RARB: variants seen among roughly 807,000 people sequenced by gnomAD.
RARB encodes HBV-activated protein.
Under a neutral mutation model 51.9 loss-of-function variants are expected in RARB, and 17 were observed. The ratio of observed to expected loss-of-function variants is 0.33; its 90% CI spans 0.22 to 0.49. RARB has a LOEUF of 0.49. Among genes scored for constraint, RARB ranks in the 20% least tolerant of loss-of-function variants. RARB has a pLI of 0.99. For missense variants in RARB, 369 were observed against 550.8 expected, an observed-to-expected ratio of 0.67 and a Z score of 3.30; for synonymous variants, 215 against 195.4, an observed-to-expected ratio of 1.10 and a Z score of -0.84.
intron 5 of RARB, among the ~76,000 whole-genome samples, chr3:25,380,589 A>C (rs890607847): frequency 6.8e-6 from 1 of 147,592 alleles, no homozygotes; most frequent in Non-Finnish European, 1.5e-5. Context: ...TTTCTTGCTC[A>C]AGAAAAAAAA....
chr3:25,139,425 AGTGGT>A (rs1700077772), intron 4 of RARB, among the ~76,000 whole-genome samples: 1 of 152,206 alleles, frequency 6.6e-6, no homozygotes, highest in African/African-American at 2.4e-5. Flanking sequence ...AGAAAGTTTT[AGTGGT>A]GTGGATAGAA....
At chr3:25,439,597 C>T (rs190527023) in intron 1 of RARB, among the ~76,000 whole-genome samples, 16 of 152,048 alleles carry the variant, frequency 1.1e-4, no homozygotes, top group African/African-American at 3.9e-4. Flanking sequence ...AGGGTTTTAC[C>T]ATGTTGCCCA....
chr3:24,832,784 T>C (rs1433705479), intron 1 of RARB, among the ~76,000 whole-genome samples: 1 of 151,860 alleles, frequency 6.6e-6, no homozygotes, highest in Admixed American at 6.6e-5. Context: ...TTCAGCTCTT[T>C]TTCTTACTAG....
chr3:25,086,597 A>C (rs1037581407), intron 3 of RARB, among the ~76,000 whole-genome samples: 1 of 152,128 alleles, frequency 6.6e-6, no homozygotes, highest in African/African-American at 2.4e-5. Context: ...GTTGGGTTAC[A>C]GCTTGGTTTT....
chr3:25,578,217 A>C (rs1359342886), intron 4 of RARB, among the ~76,000 whole-genome samples: 1 of 152,262 alleles, frequency 6.6e-6, no homozygotes, highest in Non-Finnish European at 1.5e-5. Context: ...GGAAGATAAT[A>C]TATAAGCCAT....
intron 5 of RARB, among the ~76,000 whole-genome samples, chr3:25,278,564 C>A (rs1402929246): frequency 6.6e-6 from 1 of 152,102 alleles, no homozygotes; most frequent in Admixed American, 6.6e-5. Context: ...TTATTTGTGC[C>A]ACAGCTAAGA....
intron 3 of RARB, among the ~76,000 whole-genome samples, chr3:25,508,466 C>T (rs1449277375): frequency 6.6e-6 from 1 of 152,162 alleles, no homozygotes; most frequent in African/African-American, 2.4e-5. Context: ...TTTGCTTGTG[C>T]ACAAATTATA....
rs562866860 is a variant in RARB at position 25,346,514 on chromosome 3, T to G, written c.179-114679T>G. Among the ~76,000 whole-genome samples, 3 of 143,306 alleles carry G rather than the reference T, an allele frequency of 2.1e-5. No homozygotes were observed. The East Asian group carries it at 5.8e-4, about 28-fold the overall frequency. The allele number at this position is 143,306 out of a possible 152,430, so 94.0% of individuals were successfully genotyped here. A position where few individuals can be genotyped will look rare whatever the true frequency, so the allele number is the denominator to read the frequency against. On this transcript the variant is annotated intron_variant, in intron 5 of 11. Transcript: ENST00000383772. ...TTGCTTTTTATCTCTACTCCCTGTT[T>G]CCTGTATGTCTCAGATGAGCTCACC...
At chr3:24,840,629 AG>A (rs1702408425) in intron 1 of RARB, among the ~76,000 whole-genome samples, 1 of 152,054 alleles carries the variant, frequency 6.6e-6, no homozygotes, top group African/African-American at 2.4e-5. Context: ...TGGGCTTGAA[AG>A]GGTTGCCTGA....
At chr3:24,883,329 T>A (rs1159019091) in intron 2 of RARB, among the ~76,000 whole-genome samples, 1 of 151,026 alleles carries the variant, frequency 6.6e-6, no homozygotes, top group Non-Finnish European at 1.5e-5. Flanking sequence ...TACTTGGGCA[T>A]GTTTGAAGCC....
chr3:25,224,807 G>C (rs140696669), intron 5 of RARB, among the ~76,000 whole-genome samples: 1 of 152,040 alleles, frequency 6.6e-6, no homozygotes, highest in East Asian at 1.9e-4. Context: ...GTTTTGCCAT[G>C]TTGCCCAGGC....
chr3:25,569,750 G>T lies in RARB; in HGVS notation c.449-8G>T. ...CGACCCCTGATGTGCCTTCTCTCTC[G>T]TTTCCAGCTGTCAGGAATGACAGGA... On this transcript the variant is annotated splice_region_variant and splice_polypyrimidine_tract_variant and intron_variant, in intron 3 of 7. Coordinates refer to ENST00000330688, the MANE Select transcript of RARB (RefSeq NM_000965.5). The T allele has an allele frequency of 6.2e-7, 1 of 1,612,310 alleles. No homozygotes were observed. The highest frequency in any genetic ancestry group is 8.5e-7 in the Non-Finnish European group (1 of 1,179,204).
Position 25,394,614 on chromosome 3 carries a change from T to G in RARB, c.179-66579T>G, listed in dbSNP as rs114749251. ...GAGGCATATATATTTAGGATTGTGA[T>G]ATTTTCCTATGGAAGTAATCTTTTT... On this transcript the variant is annotated intron_variant, in intron 5 of 11. Transcript: ENST00000383772. Among the ~76,000 whole-genome samples the G allele has an allele frequency of 4.2e-3, 637 of 152,292 alleles. 5 individuals are homozygous for G. The highest frequency in any genetic ancestry group is 0.015 in the African/African-American group (622 of 41,578).
intron 2 of RARB, among the ~76,000 whole-genome samples, chr3:24,891,691 G>C (rs1294155584): frequency 6.6e-6 from 1 of 152,150 alleles, no homozygotes; most frequent in Non-Finnish European, 1.5e-5. Flanking sequence ...AACAGATGCA[G>C]GGGACATTAA....
intron 5 of RARB, among the ~76,000 whole-genome samples, chr3:25,253,189 G>A (rs1575259655): frequency 6.6e-6 from 1 of 152,072 alleles, no homozygotes; most frequent in African/African-American, 2.4e-5. Flanking sequence ...GTGGAAAATA[G>A]GTACTTGTAA....
chr3:25,145,700 T>C (rs977657763), intron 4 of RARB, among the ~76,000 whole-genome samples: 15 of 152,066 alleles, frequency 9.9e-5, no homozygotes, highest in African/African-American at 3.4e-4. Context: ...ATTGCTCTTC[T>C]TATACCTTGT....
chr3:24,953,466 A>G (rs1166628709), intron 2 of RARB, among the ~76,000 whole-genome samples: 2 of 152,186 alleles, frequency 1.3e-5, no homozygotes, highest in Admixed American at 1.3e-4. Flanking sequence ...TGGAAACACT[A>G]GTGCATTTAA....
At chr3:25,258,899 A>T (rs1321149679) in intron 5 of RARB, 1 of 192,924 alleles carries the variant, frequency 5.2e-6, no homozygotes, top group Admixed American at 6.5e-5. Context: ...AGAAAGGCAT[A>T]AACCTCTCTT....
At chr3:25,123,394 C>G (rs1449456956) in intron 3 of RARB, among the ~76,000 whole-genome samples, 2 of 152,168 alleles carry the variant, frequency 1.3e-5, no homozygotes, top group East Asian at 3.9e-4. Flanking sequence ...TGGGCTTCTC[C>G]TCTATTTGTG....
Sources: allele counts gnomAD v4.1 joint callset (sites outside exome capture counted in the v4.1 genomes callset), GRCh38; gene constraint gnomAD v4.1.1; transcripts MANE v1.5; gene names NCBI Gene and HGNC (gene_info 2026-07-23, HGNC 2026-07-21).